The following ACTR3C variants were observed in gnomAD, a reference collection of about 807,000 sequenced individuals.
ACTR3C encodes actin-related protein 3C.
ACTR3C carries 18 observed loss-of-function variants against 26.3 expected under a neutral mutation model. The observed-to-expected ratio is 0.68, with a 90% CI of 0.47 to 1.01. ACTR3C has a LOEUF of 1.01. Ranked by LOEUF, ACTR3C falls within the 50% of genes least tolerant of loss-of-function variation. The probability of loss-of-function intolerance (pLI) is 0.00; values close to 1 mark genes in which losing one functional copy is unlikely to be tolerated. For synonymous variants in ACTR3C, 55 were observed against 94.5 expected, an observed-to-expected ratio of 0.58 and a Z score of 2.42; for missense variants, 184 against 250.7, an observed-to-expected ratio of 0.73 and a Z score of 1.80.
chr7:150,096,755 A>C, the ACTR3C span, among the ~76,000 whole-genome samples: 1 of 151,884 alleles, frequency 6.6e-6, no homozygotes, highest in Non-Finnish European at 1.5e-5. Context: ...GATAGAGCCT[A>C]TTTCCCCATT....
chr7:150,018,420 T>A, the ACTR3C span, among the ~76,000 whole-genome samples: 2 of 149,496 alleles, frequency 1.3e-5, no homozygotes, highest in South Asian at 4.2e-4. Flanking sequence ...TAAAAAAATT[T>A]AAAAAATCTA....
chr7:150,037,930 TC>T, the ACTR3C span, among the ~76,000 whole-genome samples: 7 of 129,526 alleles, frequency 5.4e-5, 2 homozygotes, highest in African/African-American at 6.0e-5. Flanking sequence ...GAGGGGTGCC[TC>T]CCCCCCTGCG....
chr7:150,144,673 C>T, the ACTR3C span, among the ~76,000 whole-genome samples: 1 of 152,114 alleles, frequency 6.6e-6, no homozygotes, highest in Non-Finnish European at 1.5e-5. The surrounding 1 kb of genome is among the most constrained non-coding windows in gnomAD (Gnocchi z 4.6). Context: ...AGAAATGCCA[C>T]CTGCTTTTAC....
At chr7:150,212,338 A>C in the ACTR3C span, among the ~76,000 whole-genome samples, 1 of 149,260 alleles carries the variant, frequency 6.7e-6, no homozygotes, top group Non-Finnish European at 1.5e-5. Context: ...ACTGCCCTCT[A>C]TTCCTGGAAA....
chr7:150,105,086 T>G, the ACTR3C span, among the ~76,000 whole-genome samples: 1 of 133,812 alleles, frequency 7.5e-6, no homozygotes, highest in Admixed American at 7.2e-5. Flanking sequence ...TCTTTTTTTC[T>G]TTTTTTTTTT....
At chr7:149,887,908 T>C in the ACTR3C span, among the ~76,000 whole-genome samples, 1 of 152,258 alleles carries the variant, frequency 6.6e-6, no homozygotes, top group Non-Finnish European at 1.5e-5. Context: ...CATTTTTCTC[T>C]TGCCGCTGCC....
chr7:150,212,797 G>A, the ACTR3C span, among the ~76,000 whole-genome samples: 1 of 152,044 alleles, frequency 6.6e-6, no homozygotes, highest in African/African-American at 2.4e-5. Context: ...CTCAGATGGA[G>A]AAGATGAACC....
At chr7:150,138,883 T>C in the ACTR3C span, among the ~76,000 whole-genome samples, 1 of 152,308 alleles carries the variant, frequency 6.6e-6, no homozygotes, top group Admixed American at 6.5e-5. Context: ...AACCCTACTG[T>C]GAACTGAGCA....
At chr7:149,911,122 A>G in the ACTR3C span, among the ~76,000 whole-genome samples, 1 of 152,060 alleles carries the variant, frequency 6.6e-6, no homozygotes, top group African/African-American at 2.4e-5. Context: ...CCAACCCAGG[A>G]TGGAGGCAAT....
the ACTR3C span, among the ~76,000 whole-genome samples, chr7:150,164,897 A>T: frequency 6.6e-6 from 1 of 152,196 alleles, no homozygotes; most frequent in Non-Finnish European, 1.5e-5. Flanking sequence ...ATTCCCCACC[A>T]GTAGGCACAG....
At chr7:150,128,621 C>T in the ACTR3C span, among the ~76,000 whole-genome samples, 1 of 151,596 alleles carries the variant, frequency 6.6e-6, no homozygotes, top group African/African-American at 2.4e-5. Flanking sequence ...CTTCACTCCT[C>T]CTAGAGCACA....
intron 3 of ACTR3C, among the ~76,000 whole-genome samples, chr7:150,290,699 A>C (rs1836179421): frequency 6.6e-6 from 1 of 152,238 alleles, no homozygotes; most frequent in African/African-American, 2.4e-5. Context: ...GAAGCAAAAA[A>C]AGATTTAGCC....
At chr7:150,198,635 A>C in the ACTR3C span, among the ~76,000 whole-genome samples, 5 of 132,508 alleles carry the variant, frequency 3.8e-5, no homozygotes, top group Admixed American at 1.5e-4. Flanking sequence ...AAGTGAGGAG[A>C]TCCTCCGCCC....
At chr7:150,216,909 C>T in the ACTR3C span, among the ~76,000 whole-genome samples, 1 of 146,502 alleles carries the variant, frequency 6.8e-6, no homozygotes, top group Non-Finnish European at 1.5e-5. Flanking sequence ...TCGCTTGAAC[C>T]TGGGAGGTGG....
chr7:150,034,477 C>T, the ACTR3C span, among the ~76,000 whole-genome samples: 7 of 151,454 alleles, frequency 4.6e-5, 1 homozygote, highest in East Asian at 3.9e-4. Flanking sequence ...TCCATGTCCC[C>T]GCCCCCTTTG....
At chr7:150,178,279 ACTT>A in the ACTR3C span, among the ~76,000 whole-genome samples, 15 of 119,610 alleles carry the variant, frequency 1.3e-4, no homozygotes, top group South Asian at 4.3e-3. Flanking sequence ...AAACAGGAAT[ACTT>A]TTTTTTTTTT....
At chr7:149,952,373 C>G in the ACTR3C span, among the ~76,000 whole-genome samples, 1 of 147,244 alleles carries the variant, frequency 6.8e-6, no homozygotes, top group Non-Finnish European at 1.5e-5. Flanking sequence ...TTCTAAGCCA[C>G]TGCTCTATTT....
At chr7:150,253,907 C>G in intron 6 of ACTR3C, among the ~76,000 whole-genome samples, 1 of 143,364 alleles carries the variant, frequency 7.0e-6, no homozygotes, top group Middle Eastern at 3.4e-3. Context: ...AGTTTTTTTT[C>G]GTGTTTTTTT....
the ACTR3C span, among the ~76,000 whole-genome samples, chr7:150,029,152 G>A: frequency 6.6e-6 from 1 of 152,028 alleles, no homozygotes; most frequent in Non-Finnish European, 1.5e-5. Context: ...ACAGTGGCCT[G>A]TGTTCAGCAC....
Sources: allele counts gnomAD v4.1 joint callset (sites outside exome capture counted in the v4.1 genomes callset), GRCh38; gene constraint gnomAD v4.1.1; non-coding constraint Gnocchi (gnomAD v3.1); transcripts MANE v1.5; gene names NCBI Gene and HGNC (gene_info 2026-07-23, HGNC 2026-07-21).